The following CAP2 variants were observed in gnomAD, a reference collection of about 807,000 sequenced individuals.
CAP2 encodes the protein cyclase associated actin cytoskeleton regulatory protein 2.
In CAP2, 24 loss-of-function variants were observed where a neutral mutation model predicts 57.7. The ratio of observed to expected loss-of-function variants is 0.42; its 90% CI spans 0.30 to 0.58. CAP2 has a LOEUF of 0.58. Ranked by LOEUF, CAP2 falls within the 20% of genes least tolerant of loss-of-function variation. CAP2 has a pLI of 0.22. For synonymous variants in CAP2, 194 were observed against 207.2 expected (o/e 0.94, Z 0.55); for missense variants, 501 against 590.3 (o/e 0.85, Z 1.57).
chr6:17,414,053 C>CAAA (rs34468074), intron 1 of CAP2, among the ~76,000 whole-genome samples: 2 of 95,764 alleles, frequency 2.1e-5, no homozygotes, highest in Non-Finnish European at 2.5e-5. Flanking sequence ...GACTCTGTCT[C>CAAA]AAAAAAAAAA....
intron 2 of CAP2, among the ~76,000 whole-genome samples, 165 bp from the exon 3 acceptor site, chr6:17,426,425 G>A (rs551455826): frequency 5.3e-5 from 8 of 151,906 alleles, no homozygotes; most frequent in East Asian, 3.9e-4. Flanking sequence ...TAGTAGAGAC[G>A]GGTTTCACCA....
At chr6:17,448,512 T>C (rs1288579713) in intron 3 of CAP2, among the ~76,000 whole-genome samples, 13 of 152,254 alleles carry the variant, frequency 8.5e-5, no homozygotes, top group Admixed American at 8.5e-4. Flanking sequence ...GATTTGAACA[T>C]GCAATGGTGT....
intron 3 of CAP2, among the ~76,000 whole-genome samples, chr6:17,461,242 C>T (rs112480080): frequency 0.012 from 1,799 of 149,166 alleles, 33 homozygotes; most frequent in African/African-American, 0.041. Flanking sequence ...TTTTTTGAGA[C>T]GTAGTCTCCC....
At position 17,514,061 on chromosome 6, in the gene CAP2, A is replaced by C. The variant is rs900263512; in HGVS notation, c.636+107A>C. On this transcript the variant is annotated intron_variant, in intron 7 of 12. Coordinates refer to ENST00000229922, the MANE Select transcript of CAP2 (RefSeq NM_006366.3). ...TAAAACTTACCTCAAGGAAAATGTA[A>C]GATTAAATGTCCATGTGGAGGGCCA... The C allele has an allele frequency of 3.3e-5, 25 of 754,332 alleles. 1 individual carries two copies. In the South Asian group the frequency reaches 3.7e-4, roughly 11 times the overall value. 46.7% of individuals were successfully genotyped at this position (754,332 alleles called of 1,614,324 possible).
intron 9 of CAP2, among the ~76,000 whole-genome samples, chr6:17,541,364 G>A (rs577313242): frequency 1.3e-5 from 2 of 152,176 alleles, no homozygotes; most frequent in Non-Finnish European, 2.9e-5. Flanking sequence ...AGGATCACCT[G>A]AGGTCAGGAG....
chr6:17,444,420 C>T (rs569570427), intron 3 of CAP2, among the ~76,000 whole-genome samples: 3 of 152,074 alleles, frequency 2.0e-5, no homozygotes, highest in Non-Finnish European at 4.4e-5. Context: ...AGGCAGATCA[C>T]GAGGTCAAGA....
In CAP2 at chr6:17,540,994, A is replaced by T. The variant is rs1581608036; in HGVS notation, c.848A>T (p.Asp283Val). 6.2e-7 allele frequency: 1 copy of T among 1,613,760 alleles called. No individual in the cohort carries two copies. The highest frequency in any genetic ancestry group is 8.5e-7 in the Non-Finnish European group (1 of 1,179,868). The change falls in exon 9 of 13, where the codon GAC becomes GTC. Residue 283 changes from aspartate (D) to valine (V), a missense_variant. Asp to Val is a radical substitution (Grantham distance 152). Transcript: ENST00000229922. ...CTAGGGCTCCGCCATGTCACAGATG[A>T]CCAGAAGACATACAAAAATCCCAGC... Reference protein sequence around the residue: ...ITKGLRHVTDDQKTYKNPSLR... With the variant: ...ITKGLRHVTDVQKTYKNPSLR...
At chr6:17,488,959 G>A (rs1581562487) in intron 4 of CAP2, among the ~76,000 whole-genome samples, 1 of 152,168 alleles carries the variant, frequency 6.6e-6, no homozygotes, top group Non-Finnish European at 1.5e-5. Flanking sequence ...TGCCCATGCT[G>A]TGTGGAAACT....
chr6:17,527,036 A>AACTAAGC (rs1468636058), intron 7 of CAP2, among the ~76,000 whole-genome samples: 1 of 152,078 alleles, frequency 6.6e-6, no homozygotes, highest in Admixed American at 6.5e-5. Context: ...CCTTGATGCA[A>AACTAAGC]ACTAAGCATC....
Position 17,513,393 on chromosome 6 carries a change from C to G in CAP2, c.531-456C>G, listed in dbSNP as rs556340337. Among the ~76,000 whole-genome samples the G allele has an allele frequency of 1.3e-4, 20 of 152,252 alleles. No individual in the cohort carries two copies. The highest frequency in any genetic ancestry group is 4.6e-4 in the African/African-American group (19 of 41,554). ...TGGTTATACTTTTAACCAAATAATT[C>G]AACAGAATTATTAGAAAATGAACCC... On this transcript the variant is annotated intron_variant, in intron 6 of 12. Transcript: ENST00000229922. The surrounding 1 kb of genome is among the most constrained non-coding windows in gnomAD (Gnocchi z 4.3).
intron 4 of CAP2, among the ~76,000 whole-genome samples, chr6:17,490,866 T>C (rs1761526918): frequency 6.6e-6 from 1 of 152,176 alleles, no homozygotes; most frequent in African/African-American, 2.4e-5. Context: ...CATGGCGCCT[T>C]AACAGCTGGT....
At chr6:17,529,746 T>C (rs1762597533) in intron 7 of CAP2, among the ~76,000 whole-genome samples, 1 of 151,806 alleles carries the variant, frequency 6.6e-6, no homozygotes, top group Non-Finnish European at 1.5e-5. Flanking sequence ...TTAGGTCTGT[T>C]CTAAAACTGG....
chr6:17,480,675 T>C (rs1024824623), intron 4 of CAP2, among the ~76,000 whole-genome samples: 2 of 151,938 alleles, frequency 1.3e-5, no homozygotes, highest in Non-Finnish European at 2.9e-5. Context: ...GCGCCTGAAG[T>C]GTCTTTGCTC....
chr6:17,417,180 A>C (rs1233602118), intron 1 of CAP2, among the ~76,000 whole-genome samples: 2 of 152,134 alleles, frequency 1.3e-5, no homozygotes, highest in Non-Finnish European at 2.9e-5. Flanking sequence ...GGATGGGTGC[A>C]CTTCTCATTA....
At chr6:17,481,596 T>G (rs993050309) in intron 4 of CAP2, among the ~76,000 whole-genome samples, 1 of 152,230 alleles carries the variant, frequency 6.6e-6, no homozygotes, top group Non-Finnish European at 1.5e-5. Context: ...TTGCATAACA[T>G]TCTGATTCAT....
intron 4 of CAP2, among the ~76,000 whole-genome samples, chr6:17,465,773 G>A (rs181350468): frequency 8.5e-5 from 13 of 152,294 alleles, no homozygotes; most frequent in South Asian, 4.1e-4. Flanking sequence ...TGCGAAAGGC[G>A]TGTAATTTAT....
chr6:17,437,981 T>C (rs1200561895), intron 3 of CAP2, among the ~76,000 whole-genome samples: 1 of 152,238 alleles, frequency 6.6e-6, no homozygotes, highest in East Asian at 1.9e-4. Flanking sequence ...TATTGATTTG[T>C]AGAGAACTTT....
chr6:17,413,062 A>G (rs6937250), intron 1 of CAP2, among the ~76,000 whole-genome samples: 15,326 of 152,046 alleles, frequency 0.1, 2,597 homozygotes, highest in African/African-American at 0.35. Flanking sequence ...TGGGTATCTC[A>G]GGAGCATGGG....
intron 3 of CAP2, among the ~76,000 whole-genome samples, chr6:17,444,749 A>C (rs1017127856): frequency 2.6e-5 from 4 of 151,920 alleles, no homozygotes; most frequent in African/African-American, 9.7e-5. Context: ...AAGAAGGGGA[A>C]AAATACGTAG....
Sources: allele counts gnomAD v4.1 joint callset (sites outside exome capture counted in the v4.1 genomes callset), GRCh38; gene constraint gnomAD v4.1.1; non-coding constraint Gnocchi (gnomAD v3.1); transcripts MANE v1.5; gene names NCBI Gene and HGNC (gene_info 2026-07-23, HGNC 2026-07-21).